The following IZUMO4 variants were observed in gnomAD, a reference collection of about 807,000 sequenced individuals.
IZUMO4 encodes IZUMO family member 4.
IZUMO4 carries 51 observed loss-of-function variants against 37.1 expected under a neutral mutation model. The ratio of observed to expected loss-of-function variants is 1.38; its 90% confidence interval spans 1.10 to 1.74. The LOEUF is 1.74. IZUMO4 is among the 40% of genes most tolerant of loss of function. The pLI is 0.00. For missense variants in IZUMO4, 364 were observed against 299.6 expected, an observed-to-expected ratio of 1.21 and a Z score of -1.59; for synonymous variants, 162 against 121.4, an observed-to-expected ratio of 1.33 and a Z score of -2.20.
intron 3 of IZUMO4, 173 bp from the exon 4 acceptor site, chr19:2,097,756 G>C (rs2144953858): frequency 1.3e-6 from 1 of 794,434 alleles, no homozygotes; most frequent in East Asian, 2.6e-5. Flanking sequence ...CTCACGCTGG[G>C]GGTCAACCTG....
chr19:2,097,035 C>T lies in IZUMO4; in HGVS notation c.90C>T (p.Ser30=), dbSNP rs757861277. Residue 30 remains serine, a synonymous_variant, in exon 1 of 10, where the codon TCC becomes TCT. Coordinates refer to ENST00000395301, the MANE Select transcript of IZUMO4 (RefSeq NM_001039846.2). ...ACAGCAACTTCTCCAAGAAGTTCTC[C>T]TTCTACCGCCACCATGTGAACTTCA... ...HCHSNFSKKF[S]FYRHHVNFKS... The T allele has an allele frequency of 1.9e-6, 3 of 1,612,532 alleles. No homozygotes were observed. The highest frequency in any genetic ancestry group is 1.7e-6 in the Non-Finnish European group (2 of 1,179,894).
In IZUMO4 at chr19:2,098,229, C is replaced by T. The variant is rs140850315; in HGVS notation, c.474-58C>T. The T allele has an allele frequency of 6.1e-4, 979 of 1,611,910 alleles. 1 individual carries two copies. In the East Asian group the frequency reaches 9.6e-3, roughly 16 times the overall value. ...TCCCCGCCTTCCACCTGGCTGTCAT[C>T]GGGTAGGGCGGGGCCGTGGGTTCAG... is the stretch of plus-strand genomic sequence containing the variant. On this transcript the variant is annotated intron_variant, in intron 5 of 9. Coordinates refer to ENST00000395301, the MANE Select transcript of IZUMO4 (RefSeq NM_001039846.2).
Position 2,097,056 on chromosome 19 carries a change from C to T in IZUMO4, c.111C>T (p.Asn37=). ...KKFSFYRHHV[N]FKSWWVGDIP... is the part of the protein sequence containing the mutation. Reference sequence around the variant, plus strand: ...TCTCCTTCTACCGCCACCATGTGAACTTCAAGTCCTGGTGGGTGGGCGACA... The same window carrying T: ...TCTCCTTCTACCGCCACCATGTGAATTTCAAGTCCTGGTGGGTGGGCGACA... The change falls in exon 1 of 10, where the codon AAC becomes AAT. Residue 37 remains asparagine (N), a synonymous_variant. Transcript: ENST00000395301. 6.2e-7 allele frequency: 1 copy of T among 1,612,840 alleles called. No individual in the cohort carries two copies. The highest frequency in any genetic ancestry group is 1.3e-5 in the African/African-American group (1 of 75,070).
intron 7 of IZUMO4, 46 bp downstream of exon 7, chr19:2,098,496 C>T (rs868436294): frequency 6.2e-7 from 1 of 1,613,040 alleles, no homozygotes; most frequent in Non-Finnish European, 8.5e-7. Context: ...TGTATGTGAG[C>T]ACCTCGTGGG....
Position 2,097,336 on chromosome 19 carries a change from A to T in IZUMO4, c.298+4A>T. 1 of 1,612,558 alleles carries T rather than the reference A, an allele frequency of 6.2e-7. No homozygotes were observed. The highest frequency in any genetic ancestry group is 8.5e-7 in the Non-Finnish European group (1 of 1,179,750). ...CAGGGGAAGATGTACTTCCCCGGTA[A>T]GGGGCGCGAAACCGAGGCGGGGCCC... On this transcript the variant is annotated splice_donor_region_variant and intron_variant, in intron 2 of 9. Transcript: ENST00000395301.
rs761076193 is a variant in IZUMO4, at chr19:2,096,993, C to G, written c.48C>G (p.His16Gln). ...TGTGCCTGACGGCGGCGCTGGCCCA[C>G]GGCTGTCTGCACTGCCACAGCAACT... Reference protein sequence around the residue: ...CLVCLTAALAHGCLHCHSNFS... With the variant: ...CLVCLTAALAQGCLHCHSNFS... Residue 16 changes from histidine (H) to glutamine (Q), a missense_variant, in exon 1 of 10, where the codon CAC (histidine) becomes CAG (glutamine). By Grantham distance (24) the His-to-Gln change is conservative (BLOSUM62 0). Transcript: ENST00000395301. 1 of 1,610,216 alleles carries G rather than the reference C, an allele frequency of 6.2e-7. No homozygotes were observed. The highest frequency in any genetic ancestry group is 2.2e-5 in the East Asian group (1 of 44,870).
At chr19:2,097,192 C>T in intron 1 of IZUMO4, 30 bp downstream of exon 1, 1 of 1,605,800 alleles carries the variant, frequency 6.2e-7, no homozygotes, top group Non-Finnish European at 8.5e-7. Flanking sequence ...CCAGTCCCGA[C>T]TACCCCGCCA....
intron 7 of IZUMO4, 67 bp from the exon 8 acceptor site, chr19:2,098,720 G>C: frequency 6.3e-7 from 1 of 1,598,002 alleles, no homozygotes; most frequent in African/African-American, 1.4e-5. Context: ...GTCAGAGCCT[G>C]GGAGGGTTCC....
rs950410185 is a variant in IZUMO4 at position 2,098,578 on chromosome 19, C to T, written c.536+128C>T. On this transcript the variant is annotated intron_variant, in intron 7 of 9. Coordinates refer to ENST00000395301, the MANE Select transcript of IZUMO4 (RefSeq NM_001039846.2). The stretch of plus-strand genomic sequence containing the variant: ...AGAGGGGCTCCCGAGGAGGTGGAAC[C>T]TCAACCCAGCTCTGCGCAGGAGGCG... 6.2e-6 allele frequency: 10 copies of T among 1,602,526 alleles called. No individual in the cohort carries two copies. The Admixed American group carries it at 8.4e-5, about 14-fold the overall frequency.
intron 3 of IZUMO4, 68 bp from the exon 4 acceptor site, chr19:2,097,861 G>C: frequency 1.3e-6 from 2 of 1,593,028 alleles, no homozygotes; most frequent in Non-Finnish European, 1.7e-6. Context: ...GCTTTGGAGG[G>C]TTGGGAGGAG....
rs773055994 is a variant in IZUMO4 at position 2,097,499 on chromosome 19, A to G, written c.370+4A>G. 4 of 1,611,990 alleles carry G rather than the reference A, an allele frequency of 2.5e-6. No homozygotes were observed. In the East Asian group the frequency reaches 8.9e-5, roughly 36 times the overall value. On this transcript the variant is annotated splice_donor_region_variant and intron_variant, in intron 3 of 9. Transcript: ENST00000395301. Reference sequence around the variant, plus strand: ...ATCCAGAACGCCATCATCGAAAGTGAGCAAATAAGGCTTCAGAGGAGGGAG... The same window carrying G: ...ATCCAGAACGCCATCATCGAAAGTGGGCAAATAAGGCTTCAGAGGAGGGAG...
chr19:2,098,803 A>AGGTAAG lies in IZUMO4; in HGVS notation c.554+1_554+6dup. 6.3e-7 allele frequency: 1 copy of AGGTAAG among 1,592,626 alleles called. No individual in the cohort carries two copies. Among genetic ancestry groups the AGGTAAG allele is most frequent in the Non-Finnish European group, 8.5e-7 (1 of 1,170,716 alleles). On this transcript the variant is annotated stop_gained and inframe_insertion and splice_region_variant, in exon 8 of 10. Transcript: ENST00000395301. LOFTEE classifies it high-confidence loss of function. ...GCCTTTCAGACAGGACACGAGCATG[A>AGGTAAG]GGTAAGGCCGCCCTGACCTGGACTT...
chr19:2,099,519 C>T lies in IZUMO4; in HGVS notation c.*174C>T, dbSNP rs992472634. 7 of 597,872 alleles carry T rather than the reference C, an allele frequency of 1.2e-5. No homozygotes were observed. The highest frequency in any genetic ancestry group is 1.1e-4 in the East Asian group (4 of 36,012). 37.0% of individuals were successfully genotyped at this position (597,872 alleles called of 1,614,324 possible). ...AGGGAGGGAATGGGGGTGGGCTGTG[C>T]GCAGCATCAGCGCCTGGGCAGGTCC... On this transcript the variant is annotated 3_prime_UTR_variant, in exon 10 of 10. Transcript: ENST00000395301.
chr19:2,097,587 C>A, intron 3 of IZUMO4, 92 bp downstream of exon 3: 3 of 1,128,066 alleles, frequency 2.7e-6, no homozygotes, highest in Admixed American at 1.7e-5. Flanking sequence ...GTGAACAGGG[C>A]ACCTGGCACC....
Position 2,099,247 on chromosome 19 carries a change from C to G in IZUMO4, c.609-8C>G, listed in dbSNP as rs774519031. On this transcript the variant is annotated splice_polypyrimidine_tract_variant and splice_region_variant and intron_variant, in intron 9 of 9. Transcript: ENST00000395301. ...ATGGAGAGCTGAGGCAGCCTCGTCTCCCCGCAGCCTGGTATCGCCAGCCTT... is the reference window on the plus strand; with the variant it reads ...ATGGAGAGCTGAGGCAGCCTCGTCTGCCCGCAGCCTGGTATCGCCAGCCTT... The G allele has an allele frequency of 6.6e-5, 107 of 1,611,842 alleles. No individual in the cohort carries two copies. Among genetic ancestry groups the G allele is most frequent in the Non-Finnish European group, 8.3e-5 (98 of 1,178,674 alleles).
chr19:2,098,282 C>A lies in IZUMO4; in HGVS notation c.474-5C>A. 1 of 1,613,824 alleles carries A rather than the reference C, an allele frequency of 6.2e-7. No homozygotes were observed. Among genetic ancestry groups the A allele is most frequent in the South Asian group, 1.1e-5 (1 of 91,076 alleles). Reference sequence around the variant, plus strand: ...GCGCACCACTTCCAAGCCTGTGTCCCACAGGTCCTCGGCGCAGTGGAAGTC... The same window carrying A: ...GCGCACCACTTCCAAGCCTGTGTCCAACAGGTCCTCGGCGCAGTGGAAGTC... On this transcript the variant is annotated splice_region_variant and splice_polypyrimidine_tract_variant and intron_variant, in intron 5 of 9. Coordinates refer to ENST00000395301, the MANE Select transcript of IZUMO4 (RefSeq NM_001039846.2).
chr19:2,099,562 G>C lies in IZUMO4; in HGVS notation c.*217G>C. ...GCAGGTCCGCAGAGCTGCGGGATGTGATTAAAGTCCCTGATGTTTCTCTTT... is the reference window on the plus strand; with the variant it reads ...GCAGGTCCGCAGAGCTGCGGGATGTCATTAAAGTCCCTGATGTTTCTCTTT... On this transcript the variant is annotated 3_prime_UTR_variant, in exon 10 of 10. Transcript: ENST00000395301. 1.7e-6 allele frequency: 1 copy of C among 578,002 alleles called. No homozygotes were observed. The highest frequency in any genetic ancestry group is 2.1e-5 in the South Asian group (1 of 48,706). The allele number at this position is 578,002 out of a possible 1,614,324, so 35.8% of individuals were successfully genotyped here. A position where few individuals can be genotyped will look rare whatever the true frequency, so the allele number is the denominator to read the frequency against.
chr19:2,097,716 G>T (rs1167410270), intron 3 of IZUMO4: 1 of 692,788 alleles, frequency 1.4e-6, no homozygotes, highest in Non-Finnish European at 2.5e-6. Flanking sequence ...TGGGAGTGTT[G>T]CCACCGCCCT....
chr19:2,096,961 T>C lies in IZUMO4; in HGVS notation c.16T>C (p.Cys6Arg). Residue 6 changes from cysteine to arginine, a missense_variant, in exon 1 of 10, where the codon TGC (cysteine) becomes CGC (arginine). Cys to Arg is a radical substitution (Grantham distance 180). Transcript: ENST00000395301. MALLL[C>R]LVCLTAALAH... The stretch of plus-strand genomic sequence containing the variant: ...CGGGACGGGCATGGCCCTGCTGCTG[T>C]GCCTGGTGTGCCTGACGGCGGCGCT... 2 of 1,606,720 alleles carry C rather than the reference T, an allele frequency of 1.2e-6. No individual in the cohort carries two copies. The highest frequency in any genetic ancestry group is 1.7e-6 in the Non-Finnish European group (2 of 1,179,536).
Sources: gnomAD v4.1 joint callset for allele counts on GRCh38, gnomAD v4.1.1 for gene constraint, MANE v1.5 for transcripts, NCBI Gene and HGNC (gene_info 2026-07-23, HGNC 2026-07-21) for gene names.